The following PTGER4 variants were observed in gnomAD, a reference collection of about 807,000 sequenced individuals.
The protein encoded by PTGER4 is prostaglandin E2 receptor EP4 subtype.
PTGER4 carries 11 observed loss-of-function variants against 33.2 expected under a neutral mutation model. The ratio of observed to expected loss-of-function variants is 0.33; its 90% CI spans 0.21 to 0.55. The LOEUF (loss-of-function observed/expected upper bound fraction) is 0.55, where lower values mean the gene tolerates loss of function less well. PTGER4 is among the 20% of genes least tolerant of loss of function. PTGER4 has a pLI of 0.92. For missense variants in PTGER4, 481 were observed against 650.2 expected (o/e 0.74, Z 2.83); for synonymous variants, 275 against 281.5 (o/e 0.98, Z 0.23).
At chr5:40,697,223 AAGAAAAGAAAG>A (rs1561134359), downstream of PTGER4, among the ~76,000 whole-genome samples, 4 of 96,870 alleles carry the variant, frequency 4.1e-5, no homozygotes, top group African/African-American at 1.2e-4. Flanking sequence ...AAAAAGAAAG[AAGAAAAGAAAG>A]AAAGAAAGAA....
At chr5:40,710,730 T>A in the PTGER4 span, among the ~76,000 whole-genome samples, 1 of 152,136 alleles carries the variant, frequency 6.6e-6, no homozygotes, top group East Asian at 1.9e-4. Context: ...ATATACACCA[T>A]GGAATACTAT....
the PTGER4 span, among the ~76,000 whole-genome samples, chr5:40,738,933 T>C: frequency 1.3e-5 from 2 of 152,322 alleles, no homozygotes; most frequent in South Asian, 4.1e-4. Flanking sequence ...AGTTCTTCTA[T>C]ACTCTGGAAA....
Position 40,681,569 on chromosome 5 carries a change from C to G in PTGER4, c.576C>G (p.Ser192Arg). Reference protein sequence around the residue: ...AAYSYMYAGFSSFLILATVLC... With the variant: ...AAYSYMYAGFRSFLILATVLC... ...ACTCCTACATGTACGCGGGCTTCAG[C>G]TCCTTCCTCATTCTCGCCACCGTCC... The change falls in exon 2 of 3, where the codon AGC (serine) becomes AGG (arginine). Residue 192 changes from serine (S) to arginine (R), a missense_variant. By Grantham distance (110) the Ser-to-Arg change is moderately radical. This residue lies in a region of PTGER4 where 174 missense variants were observed against 210.5 expected (regional missense o/e 0.83). Transcript: ENST00000302472. The surrounding 1 kb of genome is among the most constrained non-coding windows in gnomAD (Gnocchi z 9.8). 2 of 1,611,138 alleles carry G rather than the reference C, an allele frequency of 1.2e-6. No individual in the cohort carries two copies. Among genetic ancestry groups the G allele is most frequent in the Non-Finnish European group, 1.7e-6 (2 of 1,180,032 alleles).
At position 40,692,035 on chromosome 5, in the gene PTGER4, G is replaced by C; in HGVS notation, c.1124G>C (p.Gly375Ala). The C allele has an allele frequency of 1.2e-6, 2 of 1,614,212 alleles. No individual in the cohort carries two copies. The highest frequency in any genetic ancestry group is 1.7e-6 in the Non-Finnish European group (2 of 1,180,032). The change falls in exon 3 of 3, where the codon GGC (glycine) becomes GCC (alanine). Residue 375 changes from glycine (G) to alanine (A), a missense_variant. By Grantham distance (60) the Gly-to-Ala change is moderately conservative. Around this residue, in one of 7 missense-constraint regions of PTGER4, gnomAD observed 172 missense variants for 199.2 expected, o/e 0.86. Coordinates refer to ENST00000302472, the MANE Select transcript of PTGER4 (RefSeq NM_000958.3). ...CAAAGGACATCTTCTGCCATGTCAG[G>C]CCACTCTCGCTCCTTCATCTCCCGG... Reference protein sequence around the residue: ...DSQRTSSAMSGHSRSFISREL... With the variant: ...DSQRTSSAMSAHSRSFISREL...
the PTGER4 span, among the ~76,000 whole-genome samples, chr5:40,729,160 T>A: frequency 6.6e-6 from 1 of 152,196 alleles, no homozygotes; most frequent in African/African-American, 2.4e-5. Context: ...GCCACAAACC[T>A]GTCATTCATA....
At chr5:40,720,576 A>C in the PTGER4 span, among the ~76,000 whole-genome samples, 1,586 of 152,306 alleles carry the variant, frequency 0.01, 21 homozygotes, top group African/African-American at 0.033. Flanking sequence ...GAACTTCACA[A>C]AACAAAATGG....
the PTGER4 span, chr5:40,715,858 T>G: frequency 6.9e-6 from 2 of 288,078 alleles, no homozygotes; most frequent in Non-Finnish European, 1.3e-5. Context: ...ATTTTTCAAG[T>G]TTTGTCTTTA....
At chr5:40,699,468 G>C in the PTGER4 span, among the ~76,000 whole-genome samples, 2 of 152,054 alleles carry the variant, frequency 1.3e-5, no homozygotes, top group Non-Finnish European at 2.9e-5. Flanking sequence ...AAACTATATT[G>C]AAAAGAGTAA....
chr5:40,726,697 TCC>T, the PTGER4 span, among the ~76,000 whole-genome samples: 4 of 152,052 alleles, frequency 2.6e-5, no homozygotes, highest in Non-Finnish European at 5.9e-5. Context: ...TCAAAGTATC[TCC>T]GTCTCACCTG....
At chr5:40,711,859 A>G in the PTGER4 span, among the ~76,000 whole-genome samples, 1 of 152,104 alleles carries the variant, frequency 6.6e-6, no homozygotes. Context: ...CTGAAGTCAA[A>G]TCTAACGTAT....
chr5:40,745,931 T>A, the PTGER4 span, among the ~76,000 whole-genome samples: 1 of 152,018 alleles, frequency 6.6e-6, no homozygotes, highest in African/African-American at 2.4e-5. Context: ...AGATTTGAAA[T>A]TTTTTCAAAA....
the PTGER4 span, among the ~76,000 whole-genome samples, chr5:40,702,722 C>T: frequency 3.9e-5 from 6 of 152,310 alleles, no homozygotes; most frequent in African/African-American, 1.2e-4. Context: ...TTCTTCTCAT[C>T]GCCACATGGC....
At position 40,680,948 on chromosome 5, in the gene PTGER4, C is replaced by A; in HGVS notation, c.-43-3C>A. On this transcript the variant is annotated splice_region_variant and splice_polypyrimidine_tract_variant and intron_variant, in intron 1 of 2. Coordinates refer to ENST00000302472, the MANE Select transcript of PTGER4 (RefSeq NM_000958.3). The surrounding 1 kb of genome is among the most constrained non-coding windows in gnomAD (Gnocchi z 5.5). ...AGCTTTGTCTCTCTTCTACCATCCC[C>A]AGACCCAGCCTTGCACTCCAAGGCT... 1 of 1,561,460 alleles carries A rather than the reference C, an allele frequency of 6.4e-7. No individual in the cohort carries two copies. The highest frequency in any genetic ancestry group is 1.2e-5 in the South Asian group (1 of 82,104).
intron 2 of PTGER4, among the ~76,000 whole-genome samples, chr5:40,685,718 C>G (rs1319091078): frequency 6.6e-6 from 1 of 152,152 alleles, no homozygotes; most frequent in Non-Finnish European, 1.5e-5. Flanking sequence ...TTTTCACTCT[C>G]TCTACACCTC....
chr5:40,697,682 G>C (rs1383509000), downstream of PTGER4, among the ~76,000 whole-genome samples: 1 of 59,660 alleles, frequency 1.7e-5, no homozygotes, highest in Non-Finnish European at 3.3e-5. Context: ...AGTTCTATTA[G>C]AAAAATTAGT....
At chr5:40,708,759 T>G in the PTGER4 span, among the ~76,000 whole-genome samples, 20 of 152,338 alleles carry the variant, frequency 1.3e-4, no homozygotes, top group Admixed American at 9.8e-4. Context: ...ATATCCCTGA[T>G]GAACATCGAT....
the PTGER4 span, among the ~76,000 whole-genome samples, chr5:40,729,114 A>G: frequency 6.6e-6 from 1 of 152,202 alleles, no homozygotes; most frequent in African/African-American, 2.4e-5. Flanking sequence ...AAACATTATT[A>G]TCAGGTTCCA....
the PTGER4 span, among the ~76,000 whole-genome samples, chr5:40,727,686 C>A: frequency 6.6e-6 from 1 of 152,200 alleles, no homozygotes; most frequent in Non-Finnish European, 1.5e-5. Context: ...GATACTAATA[C>A]CACTTTATAA....
the PTGER4 span, among the ~76,000 whole-genome samples, chr5:40,731,740 A>G: frequency 6.6e-6 from 1 of 152,196 alleles, no homozygotes; most frequent in Non-Finnish European, 1.5e-5. Flanking sequence ...GAGCCAAACC[A>G]TATCACATAT....
Sources: allele counts gnomAD v4.1 joint callset (sites outside exome capture counted in the v4.1 genomes callset), GRCh38; gene constraint gnomAD v4.1.1; regional missense constraint gnomAD v4.1.1; non-coding constraint Gnocchi (gnomAD v3.1); transcripts MANE v1.5; gene names NCBI Gene and HGNC (gene_info 2026-07-23, HGNC 2026-07-21).